STPG2: variants seen among roughly 807,000 people sequenced by gnomAD.
The protein encoded by STPG2 is sperm-tail PG-rich repeat-containing protein 2.
Under a neutral mutation model 54.2 loss-of-function variants are expected in STPG2, and 56 were observed. That is an observed-to-expected ratio of 1.03 (90% CI 0.83 to 1.29). The LOEUF (loss-of-function observed/expected upper bound fraction) is 1.29, where lower values mean the gene tolerates loss of function less well. Among genes scored for constraint, STPG2 ranks in the 50% most tolerant of loss-of-function variants. The probability of loss-of-function intolerance (pLI) is 0.00; values close to 1 mark genes in which losing one functional copy is unlikely to be tolerated. For missense variants in STPG2, 596 were observed against 544.9 expected (o/e 1.09, Z -0.93); for synonymous variants, 200 against 181.8 (o/e 1.10, Z -0.81).
chr4:97,847,753 C>T (rs928870199), intron 8 of STPG2, among the ~76,000 whole-genome samples: 1 of 152,194 alleles, frequency 6.6e-6, no homozygotes, highest in African/African-American at 2.4e-5. Context: ...AACTACCAAA[C>T]GATGTGTTCT....
At chr4:97,989,501 T>A (rs1027380734) in intron 5 of STPG2, among the ~76,000 whole-genome samples, 1 of 152,164 alleles carries the variant, frequency 6.6e-6, no homozygotes, top group Admixed American at 6.5e-5. Flanking sequence ...GAAAGATTAA[T>A]AACAATAATT....
At chr4:97,728,975 G>A (rs1405560243) in intron 9 of STPG2, among the ~76,000 whole-genome samples, 1 of 151,648 alleles carries the variant, frequency 6.6e-6, no homozygotes, top group Non-Finnish European at 1.5e-5. Flanking sequence ...GACAGAGAAA[G>A]AAGCAGAGTG....
At chr4:98,006,875 A>C (rs1735593490) in intron 5 of STPG2, among the ~76,000 whole-genome samples, 1 of 152,140 alleles carries the variant, frequency 6.6e-6, no homozygotes, top group Non-Finnish European at 1.5e-5. Context: ...GTTCACATGG[A>C]CCATGCATTT....
At chr4:97,793,295 GT>G (rs1260721260) in intron 9 of STPG2, among the ~76,000 whole-genome samples, 1 of 151,228 alleles carries the variant, frequency 6.6e-6, no homozygotes, top group Non-Finnish European at 1.5e-5. Context: ...ATTTTATTGT[GT>G]TTTTTGCCTA....
At chr4:97,486,473 C>T (rs1578336244) in intron 4 of STPG2, among the ~76,000 whole-genome samples, 1 of 151,726 alleles carries the variant, frequency 6.6e-6, no homozygotes, top group East Asian at 1.9e-4. Flanking sequence ...TGCAATACCA[C>T]CTACTCCTGC....
At chr4:98,105,888 G>C (rs1183328841) in intron 5 of STPG2, 65 bp downstream of exon 5, 1 of 1,365,706 alleles carries the variant, frequency 7.3e-7, no homozygotes, top group Non-Finnish European at 1.0e-6. Flanking sequence ...CAGTAACCTT[G>C]TGATAACAGG....
intron 10 of STPG2, among the ~76,000 whole-genome samples, chr4:97,562,520 A>G (rs1732283111): frequency 6.6e-6 from 1 of 152,162 alleles, no homozygotes; most frequent in African/African-American, 2.4e-5. Context: ...GTCTTGTGCC[A>G]GTTTTCAAAG....
At chr4:97,687,268 C>G (rs1349023788) in intron 10 of STPG2, among the ~76,000 whole-genome samples, 1 of 150,158 alleles carries the variant, frequency 6.7e-6, no homozygotes, top group Non-Finnish European at 1.5e-5. Context: ...TTAATAAGCT[C>G]TCTGATTTAA....
At chr4:97,582,541 T>A (rs1732888455) in intron 10 of STPG2, among the ~76,000 whole-genome samples, 1 of 152,134 alleles carries the variant, frequency 6.6e-6, no homozygotes, top group South Asian at 2.1e-4. Flanking sequence ...TTTCTGATTA[T>A]GTTTTTGTCA....
At chr4:97,829,119 A>G (rs1382433652) in intron 9 of STPG2, among the ~76,000 whole-genome samples, 3 of 152,110 alleles carry the variant, frequency 2.0e-5, no homozygotes, top group Non-Finnish European at 2.9e-5. Flanking sequence ...CTCATACAGG[A>G]GAGCTGTGGC....
intron 8 of STPG2, among the ~76,000 whole-genome samples, chr4:97,905,436 T>G (rs1731368467): frequency 1.3e-5 from 2 of 151,606 alleles, no homozygotes; most frequent in African/African-American, 4.8e-5. Context: ...AGGCCTGCCC[T>G]AAAAGAGCTC....
At chr4:98,015,109 A>G (rs2149285688) in intron 5 of STPG2, among the ~76,000 whole-genome samples, 1 of 152,330 alleles carries the variant, frequency 6.6e-6, no homozygotes, top group African/African-American at 2.4e-5. Flanking sequence ...AAACCCAAGA[A>G]GAAAACCTAA....
intron 5 of STPG2, among the ~76,000 whole-genome samples, chr4:98,013,580 CTTTTTT>C (rs34198207): frequency 4.0e-5 from 3 of 74,586 alleles, no homozygotes; most frequent in East Asian, 4.9e-4. Flanking sequence ...TGGTCCTGGG[CTTTTTT>C]TTTTTTTTTT....
chr4:97,857,957 T>C (rs990566816), intron 8 of STPG2, among the ~76,000 whole-genome samples: 1 of 151,962 alleles, frequency 6.6e-6, no homozygotes, highest in Non-Finnish European at 1.5e-5. Context: ...AAGGAAAAAT[T>C]AGTGAGCTTG....
chr4:97,889,523 T>C (rs1730690895), intron 8 of STPG2, among the ~76,000 whole-genome samples: 1 of 152,156 alleles, frequency 6.6e-6, no homozygotes, highest in African/African-American at 2.4e-5. Flanking sequence ...GAAACATGGA[T>C]GAATCTCAAA....
chr4:98,110,471 C>T (rs1739315563), intron 3 of STPG2, among the ~76,000 whole-genome samples: 1 of 152,088 alleles, frequency 6.6e-6, no homozygotes, highest in Non-Finnish European at 1.5e-5. Flanking sequence ...CCAGTAAACA[C>T]ACTGCACACG....
chr4:98,130,788 G>T (rs1026729600), intron 2 of STPG2, among the ~76,000 whole-genome samples: 20 of 151,732 alleles, frequency 1.3e-4, no homozygotes, highest in Admixed American at 7.9e-4. Flanking sequence ...CGGGCATGGT[G>T]GCGGGTGCCT....
At chr4:97,949,726 T>A (rs1164133409) in intron 7 of STPG2, among the ~76,000 whole-genome samples, 1 of 152,160 alleles carries the variant, frequency 6.6e-6, no homozygotes, top group Non-Finnish European at 1.5e-5. Flanking sequence ...CCCTTCTGGT[T>A]TGTAAGTGTT....
chr4:97,883,280 C>G (rs774074234), intron 8 of STPG2, among the ~76,000 whole-genome samples: 1 of 151,116 alleles, frequency 6.6e-6, no homozygotes, highest in East Asian at 1.9e-4. Flanking sequence ...CCCAGCTACT[C>G]GAGAAGCTGA....
Sources: allele counts gnomAD v4.1 joint callset (sites outside exome capture counted in the v4.1 genomes callset), GRCh38; gene constraint gnomAD v4.1.1; transcripts MANE v1.5; gene names NCBI Gene and HGNC (gene_info 2026-07-23, HGNC 2026-07-21).